Variants in DNER observed in about 807,000 individuals in gnomAD.
DNER encodes delta/notch like EGF repeat containing.
Under a neutral mutation model 78.2 loss-of-function variants are expected in DNER, and 33 were observed. The ratio of observed to expected loss-of-function variants is 0.42; its 90% CI spans 0.32 to 0.56. The LOEUF is 0.56. Among genes scored for constraint, DNER ranks in the 20% least tolerant of loss-of-function variants. The pLI is 0.11. For synonymous variants in DNER, 417 were observed against 384.8 expected (o/e 1.08, Z -0.98); for missense variants, 918 against 975.3 (o/e 0.94, Z 0.78).
At chr2:229,391,028 C>T (rs73098251) in intron 10 of DNER, among the ~76,000 whole-genome samples, 4,467 of 152,218 alleles carry the variant, frequency 0.029, 95 homozygotes, top group African/African-American at 0.06. Flanking sequence ...GCAATAGGAG[C>T]ATGAGGTGAC....
intron 7 of DNER, among the ~76,000 whole-genome samples, chr2:229,463,240 G>A (rs1309657636): frequency 6.6e-6 from 1 of 152,082 alleles, no homozygotes; most frequent in Non-Finnish European, 1.5e-5. Context: ...TGGAATAAAT[G>A]AGTGGATTAA....
At chr2:229,674,036 T>C (rs567295440) in intron 1 of DNER, among the ~76,000 whole-genome samples, 23 of 152,304 alleles carry the variant, frequency 1.5e-4, no homozygotes, top group Admixed American at 4.6e-4. Flanking sequence ...TCCATTCTTG[T>C]CCTTGAACAC....
chr2:229,503,730 CT>C (rs1695674352), intron 6 of DNER, among the ~76,000 whole-genome samples: 1 of 152,054 alleles, frequency 6.6e-6, no homozygotes, highest in Non-Finnish European at 1.5e-5. Flanking sequence ...GTTATACATA[CT>C]TTTTTGTTGC....
chr2:229,408,381 T>A (rs1341552672), intron 9 of DNER, among the ~76,000 whole-genome samples: 7 of 152,148 alleles, frequency 4.6e-5, no homozygotes, highest in Non-Finnish European at 1.5e-5. Context: ...CCAAGATGGA[T>A]GAATAGATTA....
chr2:229,452,433 T>C (rs1351102726), intron 7 of DNER, among the ~76,000 whole-genome samples: 1 of 151,904 alleles, frequency 6.6e-6, no homozygotes, highest in Non-Finnish European at 1.5e-5. Context: ...AGAGGGTGGA[T>C]CAGGTGTAAT....
intron 1 of DNER, among the ~76,000 whole-genome samples, chr2:229,713,256 T>C (rs923086046): frequency 1.3e-5 from 2 of 152,212 alleles, no homozygotes; most frequent in African/African-American, 4.8e-5. Flanking sequence ...ACTGGAAATG[T>C]TGATGTTAAT....
At chr2:229,643,918 C>T (rs937393718) in intron 1 of DNER, among the ~76,000 whole-genome samples, 1 of 152,114 alleles carries the variant, frequency 6.6e-6, no homozygotes, top group African/African-American at 2.4e-5. Context: ...GGTTGCCTAA[C>T]GTTGTCTCAA....
At chr2:229,462,442 C>G (rs1694722333) in intron 7 of DNER, among the ~76,000 whole-genome samples, 1 of 151,996 alleles carries the variant, frequency 6.6e-6, no homozygotes, top group Non-Finnish European at 1.5e-5. Flanking sequence ...CAGTCAGAAA[C>G]CTAGGAGTCA....
intron 1 of DNER, among the ~76,000 whole-genome samples, chr2:229,676,226 C>G (rs1699298605): frequency 6.6e-6 from 1 of 152,212 alleles, no homozygotes; most frequent in East Asian, 1.9e-4. Context: ...CTGCTCTTGA[C>G]TTTGCAGAAG....
At position 229,648,503 on chromosome 2, in the gene DNER, G is replaced by A. The variant is rs376974672; in HGVS notation, c.277-56615C>T. Among the ~76,000 whole-genome samples the A allele has an allele frequency of 1.3e-4, 20 of 152,218 alleles. No homozygotes were observed. In the South Asian group the frequency reaches 4.1e-3, roughly 32 times the overall value. ...TTTTGGGTGCTTGAAATAACTGTTC[G>A]CTTTTTGTACCACTTGGAAGTGCCG... On this transcript the variant is annotated intron_variant, in intron 1 of 12. Coordinates refer to ENST00000341772, the MANE Select transcript of DNER (RefSeq NM_139072.4).
intron 8 of DNER, among the ~76,000 whole-genome samples, chr2:229,427,329 C>G (rs1342084953): frequency 6.6e-6 from 1 of 152,218 alleles, no homozygotes; most frequent in Non-Finnish European, 1.5e-5. Context: ...TGGTAATTCT[C>G]TGTTTCTCAT....
intron 1 of DNER, among the ~76,000 whole-genome samples, chr2:229,688,851 G>A (rs1699525839): frequency 6.6e-6 from 1 of 152,190 alleles, no homozygotes; most frequent in East Asian, 1.9e-4. Context: ...CAGGGACATG[G>A]AGCTGGAAGC....
intron 10 of DNER, among the ~76,000 whole-genome samples, chr2:229,397,139 C>T (rs556835881): frequency 7.2e-5 from 11 of 151,906 alleles, no homozygotes; most frequent in African/African-American, 2.7e-4. Context: ...TTTCCCTATC[C>T]CTCCCACCAA....
At chr2:229,480,591 G>A (rs1309292163) in intron 6 of DNER, among the ~76,000 whole-genome samples, 1 of 152,178 alleles carries the variant, frequency 6.6e-6, no homozygotes, top group African/African-American at 2.4e-5. Flanking sequence ...CCGTATGCAA[G>A]TTCGGTAAGA....
chr2:229,624,189 GGAAAAT>G (rs1353056372), intron 1 of DNER, among the ~76,000 whole-genome samples: 1 of 152,128 alleles, frequency 6.6e-6, no homozygotes, highest in African/African-American at 2.4e-5. Flanking sequence ...AGATGCATCA[GGAAAAT>G]GAAACAGCAG....
At chr2:229,481,894 A>T (rs1258282620) in intron 6 of DNER, among the ~76,000 whole-genome samples, 1 of 152,202 alleles carries the variant, frequency 6.6e-6, no homozygotes, top group African/African-American at 2.4e-5. Context: ...TTGCTCTAGC[A>T]TGCATACACA....
chr2:229,627,836 G>C (rs1698371601), intron 1 of DNER, among the ~76,000 whole-genome samples: 1 of 152,204 alleles, frequency 6.6e-6, no homozygotes, highest in African/African-American at 2.4e-5. Flanking sequence ...AAGGGATTAG[G>C]CAGTGAAATT....
chr2:229,479,123 T>C (rs1443174590), intron 6 of DNER, among the ~76,000 whole-genome samples: 1 of 152,228 alleles, frequency 6.6e-6, no homozygotes, highest in Non-Finnish European at 1.5e-5. Context: ...GCTCCATCCA[T>C]GTCCCTGCAA....
At chr2:229,429,391 G>A (rs1211793538) in intron 8 of DNER, among the ~76,000 whole-genome samples, 1 of 152,170 alleles carries the variant, frequency 6.6e-6, no homozygotes, top group Non-Finnish European at 1.5e-5. Flanking sequence ...TGTGGCAACA[G>A]AGGATACTTA....
Sources: allele counts gnomAD v4.1 joint callset (sites outside exome capture counted in the v4.1 genomes callset), GRCh38; gene constraint gnomAD v4.1.1; transcripts MANE v1.5; gene names NCBI Gene and HGNC (gene_info 2026-07-23, HGNC 2026-07-21).